TMEM272: variants seen among roughly 807,000 people sequenced by gnomAD.
The protein encoded by TMEM272 is long intergenic non-protein coding RNA 282.
Under a neutral mutation model 3.7 loss-of-function variants are expected in TMEM272, and 8 were observed. That is an observed-to-expected ratio of 2.17 (90% CI 1.27 to 3.91). The LOEUF (loss-of-function observed/expected upper bound fraction) is 3.91. TMEM272 is among the 30% of genes most tolerant of loss of function. The pLI is 0.00. For missense variants in TMEM272, 166 were observed against 91.5 expected (o/e 1.81, Z -3.32); for synonymous variants, 63 against 39.8 (o/e 1.58, Z -2.20).
the TMEM272 span, among the ~76,000 whole-genome samples, chr13:51,887,291 G>A: frequency 6.6e-6 from 1 of 152,066 alleles, no homozygotes; most frequent in African/African-American, 2.4e-5. Context: ...TAACTGACTA[G>A]CCTGGACAAC....
chr13:51,829,073 A>T (rs567580855), intron 2 of TMEM272, among the ~76,000 whole-genome samples: 1 of 152,370 alleles, frequency 6.6e-6, no homozygotes, highest in African/African-American at 2.4e-5. Flanking sequence ...ATCAAGAAGC[A>T]AAATGAAGAC....
rs118154526 is a variant in TMEM272, at chr13:51,814,845, G to A, written c.*1906C>T. On this transcript the variant is annotated 3_prime_UTR_variant, in exon 5 of 5. Coordinates refer to ENST00000629372, the MANE Select transcript of TMEM272 (RefSeq NM_001351003.2). ...ACTGATGTATCCAAAGCACTAACCA[G>A]TACCTGCCATCTGCTAACAGAAATC... is the stretch of plus-strand genomic sequence containing the variant. 6.6e-6 allele frequency: 1 copy of A among 152,464 alleles called. No homozygotes were observed. The highest frequency in any genetic ancestry group is 1.5e-5 in the Non-Finnish European group (1 of 68,082). The allele number at this position is 152,464 out of a possible 1,614,324, so 9.4% of individuals were successfully genotyped here.
the TMEM272 span, among the ~76,000 whole-genome samples, chr13:51,863,977 T>G: frequency 0.061 from 9,245 of 152,224 alleles, 693 homozygotes; most frequent in African/African-American, 0.18. Flanking sequence ...CTTTTTCTCA[T>G]CCCTTGATTC....
At chr13:51,898,733 G>A in the TMEM272 span, among the ~76,000 whole-genome samples, 5 of 151,516 alleles carry the variant, frequency 3.3e-5, no homozygotes, top group African/African-American at 7.3e-5. Flanking sequence ...CTGCTAAGAC[G>A]GCACTGTTGG....
Position 51,816,946 on chromosome 13 carries a change from G to A in TMEM272, c.369C>T (p.Asn123=), listed in dbSNP as rs1956034334. ...GCAGGTACACAGAAAAGACCCAGTA[G>A]TTTCCCAGGATGAACCAGAGGAAGA... ...LFLFLWFILG[N]YWVFSVYLPD... is the part of the protein sequence containing the mutation. The change falls in exon 5 of 5, where the codon AAC becomes AAT. Residue 123 remains asparagine, a synonymous_variant. Transcript: ENST00000629372. 1 of 703,084 alleles carries A rather than the reference G, an allele frequency of 1.4e-6. No homozygotes were observed. Among genetic ancestry groups the A allele is most frequent in the South Asian group, 1.5e-5 (1 of 67,608 alleles). 43.6% of individuals were successfully genotyped at this position (703,084 alleles called of 1,614,324 possible).
the TMEM272 span, among the ~76,000 whole-genome samples, chr13:51,881,193 C>G: frequency 1.3e-5 from 2 of 152,108 alleles, no homozygotes; most frequent in Non-Finnish European, 2.9e-5. Context: ...TGCTGAGGCT[C>G]TTACTGTGAT....
rs1956010504 is a variant in TMEM272 at position 51,815,371 on chromosome 13, T to A, written c.*1380A>T. The stretch of plus-strand genomic sequence containing the variant: ...ACGGTGACTGCCCGGGGAGTGCTTC[T>A]AAACTGAAATGGGAAGACCCCATGG... On this transcript the variant is annotated 3_prime_UTR_variant, in exon 5 of 5. Coordinates refer to ENST00000629372, the MANE Select transcript of TMEM272 (RefSeq NM_001351003.2). The A allele has an allele frequency of 6.6e-6, 1 of 152,568 alleles. No homozygotes were observed. The highest frequency in any genetic ancestry group is 2.4e-5 in the African/African-American group (1 of 41,428). The allele number at this position is 152,568 out of a possible 1,614,324, so 9.5% of individuals were successfully genotyped here.
chr13:51,845,791 G>A (rs1356786031), upstream of TMEM272, among the ~76,000 whole-genome samples: 1 of 152,226 alleles, frequency 6.6e-6, no homozygotes, highest in Admixed American at 6.5e-5. Context: ...TTATTGAAAT[G>A]CAGATTCCTG....
chr13:51,914,255 T>C, the TMEM272 span, among the ~76,000 whole-genome samples: 1 of 152,234 alleles, frequency 6.6e-6, no homozygotes, highest in African/African-American at 2.4e-5. Context: ...TGTCATATAA[T>C]GCCTCATTTA....
At chr13:51,891,928 A>G in the TMEM272 span, among the ~76,000 whole-genome samples, 1 of 152,196 alleles carries the variant, frequency 6.6e-6, no homozygotes, top group Admixed American at 6.5e-5. Context: ...TGTAAGGTCA[A>G]TGATTTTTTG....
chr13:51,852,700 T>A, the TMEM272 span, among the ~76,000 whole-genome samples: 124 of 152,096 alleles, frequency 8.2e-4, no homozygotes, highest in African/African-American at 2.4e-3. Flanking sequence ...CAACATGGTG[T>A]AACCCCGTCT....
rs1956017587 is a variant in TMEM272, at chr13:51,815,851, C to T, written c.*900G>A. 6.6e-6 allele frequency: 1 copy of T among 152,192 alleles called. No individual in the cohort carries two copies. The highest frequency in any genetic ancestry group is 1.5e-5 in the Non-Finnish European group (1 of 68,040). 9.4% of individuals were successfully genotyped at this position (152,192 alleles called of 1,614,324 possible). ...AAAAGGCTTCCAAAGCCTAACTGGTCATTAGGTTGAGGAGCTATTATTCGA... is the reference window on the plus strand; with the variant it reads ...AAAAGGCTTCCAAAGCCTAACTGGTTATTAGGTTGAGGAGCTATTATTCGA... On this transcript the variant is annotated 3_prime_UTR_variant, in exon 5 of 5. Transcript: ENST00000629372.
At chr13:51,852,089 A>G in the TMEM272 span, among the ~76,000 whole-genome samples, 1 of 152,272 alleles carries the variant, frequency 6.6e-6, no homozygotes, top group Non-Finnish European at 1.5e-5. Flanking sequence ...CATGGGGGTT[A>G]TAACAGTTTG....
intron 2 of TMEM272, among the ~76,000 whole-genome samples, chr13:51,836,983 C>T (rs1956221534): frequency 6.6e-6 from 1 of 152,188 alleles, no homozygotes; most frequent in Admixed American, 6.5e-5. Context: ...TGGGGAGTCA[C>T]TGTGCAGTGA....
At chr13:51,911,245 T>C in the TMEM272 span, among the ~76,000 whole-genome samples, 1 of 152,142 alleles carries the variant, frequency 6.6e-6, no homozygotes, top group Non-Finnish European at 1.5e-5. Flanking sequence ...TGAAGAGAGA[T>C]TTATTAAGCT....
At chr13:51,910,197 T>C in the TMEM272 span, 4 of 1,155,118 alleles carry the variant, frequency 3.5e-6, no homozygotes, top group Non-Finnish European at 3.9e-6. Flanking sequence ...TATTTCATGC[T>C]CCAGTTCAGA....
intron 4 of TMEM272, among the ~76,000 whole-genome samples, chr13:51,821,079 G>A (rs577217520): frequency 4.6e-5 from 7 of 152,300 alleles, no homozygotes; most frequent in East Asian, 1.9e-4. Flanking sequence ...CATGACCAGC[G>A]CCACTGGCCA....
the TMEM272 span, among the ~76,000 whole-genome samples, chr13:51,855,297 C>A: frequency 2.0e-5 from 3 of 152,154 alleles, no homozygotes; most frequent in Non-Finnish European, 2.9e-5. Context: ...TCTCAATTCC[C>A]AACTGGATTA....
chr13:51,897,997 G>A, the TMEM272 span, among the ~76,000 whole-genome samples: 18 of 150,382 alleles, frequency 1.2e-4, no homozygotes, highest in African/African-American at 4.2e-4. Flanking sequence ...GGCTGAGGTG[G>A]GTGGATCACA....
Sources: gnomAD v4.1 joint callset for allele counts (sites outside exome capture counted in the v4.1 genomes callset) on GRCh38, gnomAD v4.1.1 for gene constraint, MANE v1.5 for transcripts, NCBI Gene and HGNC (gene_info 2026-07-23, HGNC 2026-07-21) for gene names.